The following MS4A14 variants were observed in gnomAD, a reference collection of about 807,000 sequenced individuals.
MS4A14 encodes the protein membrane-spanning 4-domains subfamily A member 14.
In MS4A14, 18 loss-of-function variants were observed where a neutral mutation model predicts 16.7. The observed-to-expected ratio is 1.08, with a 90% CI of 0.75 to 1.60. The LOEUF is 1.60. Among genes scored for constraint, MS4A14 ranks in the 40% most tolerant of loss-of-function variants. The pLI, the probability that MS4A14 is intolerant of heterozygous loss-of-function variation, is 0.00. For synonymous variants in MS4A14, 305 were observed against 289.4 expected, an observed-to-expected ratio of 1.05 and a Z score of -0.55; for missense variants, 812 against 775.3, an observed-to-expected ratio of 1.05 and a Z score of -0.56.
rs200388071 is a variant in MS4A14, at chr11:60,402,874, G to A, written c.319-38G>A. 61 of 1,593,014 alleles carry A rather than the reference G, an allele frequency of 3.8e-5. 1 individual carries two copies. The Middle Eastern group carries it at 1.3e-3, about 35-fold the overall frequency. On this transcript the variant is annotated intron_variant, in intron 3 of 4. Transcript: ENST00000300187. ...TACAAGATATTTTTGCTTTGGTTTC[G>A]ATCTTATTTATTTTATCATTTTTAA... is the stretch of plus-strand genomic sequence containing the variant.
chr11:60,401,729 G>A lies in MS4A14; in HGVS notation c.319-1183G>A, dbSNP rs892982814. ...TTTGTAAAGCCCAATACACATGAGG[G>A]ATTGATTATCTAGAGATCTTAGTCT... is the stretch of plus-strand genomic sequence containing the variant. On this transcript the variant is annotated intron_variant, in intron 3 of 4. Transcript: ENST00000300187. Among the ~76,000 whole-genome samples the A allele has an allele frequency of 2.2e-4, 33 of 152,312 alleles. 2 individuals are homozygous for A. In the South Asian group the frequency reaches 6.6e-3, roughly 31 times the overall value.
At position 60,396,556 on chromosome 11, in the gene MS4A14, T is replaced by C. The variant is rs1947832120; in HGVS notation, c.-23T>C. 6.2e-7 allele frequency: 1 copy of C among 1,610,708 alleles called. No individual in the cohort carries two copies. Among genetic ancestry groups the C allele is most frequent in the African/African-American group, 1.3e-5 (1 of 74,830 alleles). ...GGCAATGTTTGCTCACTCTTTCCCT[T>C]ACTAGAGTTCTGCCATAGAATCATG... On this transcript the variant is annotated 5_prime_UTR_variant, in exon 1 of 5. Transcript: ENST00000300187.
intron 3 of MS4A14, among the ~76,000 whole-genome samples, chr11:60,402,093 G>A (rs531479749): frequency 1.3e-5 from 2 of 152,188 alleles, no homozygotes; most frequent in Admixed American, 1.3e-4. Context: ...TATCAGTCCT[G>A]GGAGTGGGTA....
intron 1 of MS4A14, among the ~76,000 whole-genome samples, chr11:60,397,561 G>T: frequency 6.6e-6 from 1 of 152,150 alleles, no homozygotes; most frequent in African/African-American, 2.4e-5. Flanking sequence ...GGGGTAGTCA[G>T]ACATGTACTC....
intron 4 of MS4A14, 144 bp downstream of exon 4, chr11:60,403,205 C>A: frequency 1.2e-6 from 1 of 862,912 alleles, no homozygotes; most frequent in Non-Finnish European, 1.9e-6. Context: ...CATGGGGTTA[C>A]TGTTACAATG....
At chr11:60,411,180 G>A (rs79333296) in intron 4 of MS4A14, among the ~76,000 whole-genome samples, 2,438 of 152,244 alleles carry the variant, frequency 0.016, 61 homozygotes, top group African/African-American at 0.055. Flanking sequence ...TTTACAGTAC[G>A]TTTCAAAGTT....
Position 60,416,944 on chromosome 11 carries a change from G to A in MS4A14, c.1976G>A (p.Gly659Asp). The A allele has an allele frequency of 6.2e-7, 1 of 1,613,594 alleles. No individual in the cohort carries two copies. The highest frequency in any genetic ancestry group is 8.5e-7 in the Non-Finnish European group (1 of 1,179,734). The change falls in exon 5 of 5, where the codon GGC becomes GAC. Residue 659 changes from glycine (G) to aspartate (D), a missense_variant. Gly to Asp is a moderately conservative substitution (Grantham distance 94). Transcript: ENST00000300187. ...QQYQFWQFHKGNLQAGQPRTV... is the reference protein window; with the variant it reads ...QQYQFWQFHKDNLQAGQPRTV... ...TACCAATTCTGGCAATTCCACAAAG[G>A]CAATCTCCAGGCTGGACAACCCAGG...
At chr11:60,415,405 C>T in intron 4 of MS4A14, 32 bp from the exon 5 acceptor site, 1 of 1,543,280 alleles carries the variant, frequency 6.5e-7, no homozygotes, top group Non-Finnish European at 8.7e-7. Flanking sequence ...ATGATTCTGT[C>T]ATATTAATTA....
rs778206558 is a variant in MS4A14, at chr11:60,402,985, G to A, written c.392G>A (p.Ser131Asn). 3 of 1,613,846 alleles carry A rather than the reference G, an allele frequency of 1.9e-6. No individual in the cohort carries two copies. Among genetic ancestry groups the A allele is most frequent in the South Asian group, 2.2e-5 (2 of 91,080 alleles). The change falls in exon 4 of 5, where the codon AGC becomes AAC. Residue 131 changes from serine to asparagine, a missense_variant. Ser to Asn is a conservative substitution (Grantham distance 46). Transcript: ENST00000300187. ...AITGITFTILSYRHQDKYCQM... is the reference protein window; with the variant it reads ...AITGITFTILNYRHQDKYCQM... The stretch of plus-strand genomic sequence containing the variant: ...ACTGGGATTACTTTCACCATTCTCA[G>A]CTACAGACATCAAGACAAGTACTGC...
intron 4 of MS4A14, among the ~76,000 whole-genome samples, chr11:60,414,631 G>A (rs1188203468): frequency 2.0e-5 from 3 of 152,076 alleles, no homozygotes; most frequent in Non-Finnish European, 4.4e-5. Flanking sequence ...TCACTTAGCT[G>A]TTTAAAAAAC....
intron 3 of MS4A14, among the ~76,000 whole-genome samples, chr11:60,401,689 A>G (rs1435445884): frequency 6.6e-6 from 1 of 152,214 alleles, no homozygotes; most frequent in African/African-American, 2.4e-5. Flanking sequence ...AGAAGAGACT[A>G]GGCTGGGCAT....
chr11:60,409,209 T>C (rs545090349), intron 4 of MS4A14, among the ~76,000 whole-genome samples: 47 of 152,322 alleles, frequency 3.1e-4, no homozygotes, highest in African/African-American at 1.1e-3. Flanking sequence ...TAATTTGCTA[T>C]AGTCATGCTA....
chr11:60,399,841 T>A (rs1291316595), intron 2 of MS4A14, among the ~76,000 whole-genome samples: 1 of 152,070 alleles, frequency 6.6e-6, no homozygotes, highest in Non-Finnish European at 1.5e-5. Context: ...AAGACCCAGA[T>A]GTCCCCAAGG....
At chr11:60,410,795 T>C (rs2085856971) in intron 4 of MS4A14, among the ~76,000 whole-genome samples, 2 of 151,988 alleles carry the variant, frequency 1.3e-5, no homozygotes, top group African/African-American at 4.8e-5. Flanking sequence ...CATTGGTCTA[T>C]ATATCTTCCC....
intron 4 of MS4A14, among the ~76,000 whole-genome samples, chr11:60,414,643 C>T (rs2085912774): frequency 6.6e-6 from 1 of 152,040 alleles, no homozygotes; most frequent in African/African-American, 2.4e-5. Flanking sequence ...TTAAAAAACT[C>T]CAATTGCTTC....
At chr11:60,404,968 T>C (rs2085766038) in intron 4 of MS4A14, among the ~76,000 whole-genome samples, 1 of 152,200 alleles carries the variant, frequency 6.6e-6, no homozygotes. Flanking sequence ...TCTTCATACA[T>C]TTCAGTTTTA....
chr11:60,399,011 C>T (rs1434509195), intron 2 of MS4A14, among the ~76,000 whole-genome samples: 1 of 152,180 alleles, frequency 6.6e-6, no homozygotes, highest in African/African-American at 2.4e-5. Context: ...GAAAACTCTA[C>T]TTTTCACTTA....
At chr11:60,400,346 T>C in intron 2 of MS4A14, 58 bp from the exon 3 acceptor site, 1 of 1,200,600 alleles carries the variant, frequency 8.3e-7, no homozygotes, top group African/African-American at 1.5e-5. Context: ...AGGGAAATTA[T>C]ACTGCAAGGT....
At chr11:60,415,336 T>TATC in intron 4 of MS4A14, 101 bp from the exon 5 acceptor site, 1 of 1,272,824 alleles carries the variant, frequency 7.9e-7, no homozygotes, top group Non-Finnish European at 1.1e-6. Context: ...TGTTATTTCC[T>TATC]ATCTACTGTC....
Sources: allele counts gnomAD v4.1 joint callset (sites outside exome capture counted in the v4.1 genomes callset), GRCh38; gene constraint gnomAD v4.1.1; transcripts MANE v1.5; gene names NCBI Gene and HGNC (gene_info 2026-07-23, HGNC 2026-07-21).